BACH2: variants seen among roughly 807,000 people sequenced by gnomAD.
BACH2 encodes BACH transcriptional regulator 2.
BACH2 carries 5 observed loss-of-function variants against 61.8 expected under a neutral mutation model. The ratio of observed to expected loss-of-function variants is 0.08; its 90% confidence interval spans 0.04 to 0.17. The LOEUF (loss-of-function observed/expected upper bound fraction) is 0.17, where lower values mean the gene tolerates loss of function less well. BACH2 is among the 10% of genes least tolerant of loss of function. The pLI, the probability that BACH2 is intolerant of heterozygous loss-of-function variation, is 1.00. For synonymous variants in BACH2, 446 were observed against 440.1 expected, an observed-to-expected ratio of 1.01 and a Z score of -0.17; for missense variants, 824 against 1,091.1, an observed-to-expected ratio of 0.76 and a Z score of 3.45.
intron 5 of BACH2, among the ~76,000 whole-genome samples, chr6:90,072,426 A>G (rs1781277050): frequency 6.6e-6 from 1 of 152,208 alleles, no homozygotes; most frequent in Non-Finnish European, 1.5e-5. Flanking sequence ...GCCTCCAGCC[A>G]GCAGTGTTGA....
chr6:90,007,652 G>T (rs77897765), intron 6 of BACH2, among the ~76,000 whole-genome samples: 35,955 of 152,042 alleles, frequency 0.24, 4,562 homozygotes, highest in Non-Finnish European at 0.28. Context: ...TGGGTGATGG[G>T]GTCTTTGGTT....
chr6:90,279,836 T>G (rs550194316), intron 1 of BACH2, among the ~76,000 whole-genome samples: 1 of 152,326 alleles, frequency 6.6e-6, no homozygotes, highest in African/African-American at 2.4e-5. Flanking sequence ...TTAGTTTTGC[T>G]AGGAACATCA....
intron 4 of BACH2, among the ~76,000 whole-genome samples, chr6:90,167,583 C>G (rs1198483773): frequency 1.3e-5 from 2 of 152,140 alleles, no homozygotes; most frequent in Non-Finnish European, 2.9e-5. Flanking sequence ...GTCTCAAACA[C>G]CTGACCTCAA....
chr6:90,222,538 A>T (rs191846732), intron 3 of BACH2, among the ~76,000 whole-genome samples: 64 of 152,370 alleles, frequency 4.2e-4, no homozygotes, highest in African/African-American at 1.5e-3. Flanking sequence ...ATTTGTGCTT[A>T]GAATGAAAGC....
intron 4 of BACH2, among the ~76,000 whole-genome samples, chr6:90,127,626 A>G (rs1352514200): frequency 6.6e-6 from 1 of 152,216 alleles, no homozygotes; most frequent in Admixed American, 6.5e-5. Flanking sequence ...TTAAAAAATC[A>G]GAAAGAATGT....
At chr6:90,179,608 G>A (rs570315185) in intron 4 of BACH2, among the ~76,000 whole-genome samples, 5 of 152,210 alleles carry the variant, frequency 3.3e-5, no homozygotes, top group African/African-American at 1.2e-4. Flanking sequence ...AGCATCTTGT[G>A]CCTCCATCTT....
At chr6:90,181,255 C>T (rs1317885758) in intron 4 of BACH2, among the ~76,000 whole-genome samples, 3 of 152,038 alleles carry the variant, frequency 2.0e-5, no homozygotes, top group African/African-American at 7.2e-5. Flanking sequence ...AATGCATTAA[C>T]ACTTTGAGAA....
At chr6:89,964,240 T>G (rs994393964) in intron 6 of BACH2, among the ~76,000 whole-genome samples, 2 of 147,852 alleles carry the variant, frequency 1.4e-5, no homozygotes, top group Non-Finnish European at 3.0e-5. Context: ...GTAGTCACAT[T>G]CATAGAAACA....
intron 4 of BACH2, among the ~76,000 whole-genome samples, chr6:90,103,837 AC>A (rs1782782768): frequency 6.6e-6 from 1 of 152,192 alleles, no homozygotes; most frequent in African/African-American, 2.4e-5. Context: ...ATGAAGTTCT[AC>A]TGGAAAAAGG....
chr6:90,058,285 C>A (rs943335943), intron 5 of BACH2, among the ~76,000 whole-genome samples: 2 of 152,170 alleles, frequency 1.3e-5, no homozygotes, highest in Non-Finnish European at 2.9e-5. Flanking sequence ...TCTCAGGATA[C>A]AAAATCAATG....
chr6:89,946,042 T>A (rs1486938477), intron 7 of BACH2, among the ~76,000 whole-genome samples: 7 of 152,132 alleles, frequency 4.6e-5, no homozygotes, highest in Non-Finnish European at 1.0e-4. Context: ...AAAACTAATA[T>A]TTTTTTATAT....
intron 1 of BACH2, among the ~76,000 whole-genome samples, chr6:90,282,568 G>T (rs1041255750): frequency 6.6e-6 from 1 of 151,956 alleles, no homozygotes; most frequent in African/African-American, 2.4e-5. Flanking sequence ...GGGCATTTAG[G>T]TTGATTACAT....
Position 90,052,560 on chromosome 6 carries a change from C to T in BACH2, c.-13+36401G>A, listed in dbSNP as rs111569774. ...TCAGCCTCCCGAGCAGTTGGGATTACAGGTGCAGGCCAGCATGCCTGGCTA... is the reference window on the plus strand; with the variant it reads ...TCAGCCTCCCGAGCAGTTGGGATTATAGGTGCAGGCCAGCATGCCTGGCTA... On this transcript the variant is annotated intron_variant, in intron 5 of 8. Coordinates refer to ENST00000257749, the MANE Select transcript of BACH2 (RefSeq NM_021813.4). 2.8e-3 allele frequency among the ~76,000 whole-genome samples: 429 copies of T among 152,288 alleles called. 3 individuals carry two copies. The highest frequency in any genetic ancestry group is 9.9e-3 in the African/African-American group (412 of 41,562).
chr6:89,968,091 C>T (rs1256483739), intron 6 of BACH2, among the ~76,000 whole-genome samples: 1 of 152,232 alleles, frequency 6.6e-6, no homozygotes, highest in African/African-American at 2.4e-5. Flanking sequence ...CCTAGATGCA[C>T]TGCTGACTCT....
At chr6:90,082,691 T>C (rs1781774958) in intron 5 of BACH2, among the ~76,000 whole-genome samples, 1 of 152,224 alleles carries the variant, frequency 6.6e-6, no homozygotes, top group Non-Finnish European at 1.5e-5. Context: ...TTTTCTGCTA[T>C]TTTATAAATT....
rs3073450 is a variant in BACH2 at position 90,271,366 on chromosome 6, TAAAAAAAA to T, written c.-353+475_-353+482del. ...TCAGCAAGATAAAAACAACCCCATTTAAAAAAAAAAAAAAAAGAAAAAAGAAAAAAGAA... is the reference window on the plus strand; with the variant it reads ...TCAGCAAGATAAAAACAACCCCATTTAAAAAAAAGAAAAAAGAAAAAAGAA... On this transcript the variant is annotated intron_variant, in intron 2 of 8. Coordinates refer to ENST00000257749, the MANE Select transcript of BACH2 (RefSeq NM_021813.4). 1.1e-4 allele frequency among the ~76,000 whole-genome samples: 11 copies of T among 103,882 alleles called. No homozygotes were observed. In the South Asian group the frequency reaches 1.2e-3, roughly 11 times the overall value. 68.2% of individuals were successfully genotyped at this position (103,882 alleles called of 152,430 possible).
At chr6:90,062,949 T>C (rs949356853) in intron 5 of BACH2, 4 of 984,570 alleles carry the variant, frequency 4.1e-6, no homozygotes, top group Non-Finnish European at 4.8e-6. Context: ...TCCACTTGCG[T>C]TTTTCTTCTT....
At chr6:90,153,512 C>A (rs1582425732) in intron 4 of BACH2, among the ~76,000 whole-genome samples, 4 of 152,208 alleles carry the variant, frequency 2.6e-5, no homozygotes, top group Admixed American at 2.6e-4. Flanking sequence ...AACAAATAAT[C>A]TATATATAAA....
chr6:89,932,212 A>T lies in BACH2; in HGVS notation c.*196T>A. 1 of 722,606 alleles carries T rather than the reference A, an allele frequency of 1.4e-6. No individual in the cohort carries two copies. Among genetic ancestry groups the T allele is most frequent in the Non-Finnish European group, 2.3e-6 (1 of 438,320 alleles). 44.8% of individuals were successfully genotyped at this position (722,606 alleles called of 1,614,324 possible). On this transcript the variant is annotated 3_prime_UTR_variant, in exon 9 of 9. Coordinates refer to ENST00000257749, the MANE Select transcript of BACH2 (RefSeq NM_021813.4). ...TTTCCTTGCCTGGGCAAGGGGTAGC[A>T]CCATTGTGAAGGTAACTATCACTCC...
Sources: gnomAD v4.1 joint callset for allele counts (sites outside exome capture counted in the v4.1 genomes callset) on GRCh38, gnomAD v4.1.1 for gene constraint, MANE v1.5 for transcripts, NCBI Gene and HGNC (gene_info 2026-07-23, HGNC 2026-07-21) for gene names.